The following COL4A6 variants were observed in gnomAD, a reference collection of about 807,000 sequenced individuals.
COL4A6 encodes the protein collagen type IV alpha 6 chain.
Under a neutral mutation model 126.7 loss-of-function variants are expected in COL4A6, and 59 were observed. That is an observed-to-expected ratio of 0.47 (90% CI 0.38 to 0.58). The LOEUF (loss-of-function observed/expected upper bound fraction) is 0.58, where lower values mean the gene tolerates loss of function less well. Among genes scored for constraint, COL4A6 ranks in the 20% least tolerant of loss-of-function variants. COL4A6 has a pLI of 0.00. For synonymous variants in COL4A6, 547 were observed against 496.6 expected (o/e 1.10, Z -1.35); for missense variants, 1,285 against 1,337.3 (o/e 0.96, Z 0.61).
intron 6 of COL4A6, 33 bp downstream of exon 6, chrX:108,214,079 T>C: frequency 8.9e-7 from 1 of 1,129,473 alleles, no homozygotes; most frequent in Non-Finnish European, 1.2e-6. Context: ...AGCAAAGCCA[T>C]TTGAAATAAA....
chrX:108,331,319 C>T (rs781089473), intron 2 of COL4A6, among the ~76,000 whole-genome samples: 5 of 111,595 alleles, frequency 4.5e-5, no homozygotes, highest in Admixed American at 1.9e-4. Flanking sequence ...CATCCTTAGG[C>T]GATTTCGTCA....
intron 2 of COL4A6, among the ~76,000 whole-genome samples, chrX:108,329,862 T>A (rs930671486): frequency 5.4e-5 from 6 of 110,389 alleles, no homozygotes; most frequent in African/African-American, 2.0e-4. Flanking sequence ...AAAAGAGGAG[T>A]CGAAGGTGAC....
intron 3 of COL4A6, among the ~76,000 whole-genome samples, chrX:108,254,150 A>G (rs187317937): frequency 2.6e-4 from 29 of 111,034 alleles, no homozygotes; most frequent in Admixed American, 2.4e-3. Flanking sequence ...GACTGCAGGT[A>G]TAAGAGGTAT....
chrX:108,435,613 C>A (rs765545864), intron 2 of COL4A6, among the ~76,000 whole-genome samples: 2 of 111,938 alleles, frequency 1.8e-5, no homozygotes, highest in African/African-American at 6.5e-5. Flanking sequence ...AATATTTCAC[C>A]TGAATGAAGA....
chrX:108,368,599 C>T (rs1400008789), intron 2 of COL4A6, among the ~76,000 whole-genome samples: 3 of 111,713 alleles, frequency 2.7e-5, no homozygotes, highest in Non-Finnish European at 5.7e-5. Context: ...TTATCTTACT[C>T]TATTTTACTT....
intron 2 of COL4A6, among the ~76,000 whole-genome samples, chrX:108,406,392 G>A (rs1261857371): frequency 1.8e-5 from 2 of 111,903 alleles, no homozygotes; most frequent in Non-Finnish European, 3.8e-5. Context: ...CTAACCTTCC[G>A]GTATCCACCA....
chrX:108,187,964 T>C lies in COL4A6; in HGVS notation c.1651A>G (p.Thr551Ala), dbSNP rs761735445. Reference protein sequence around the residue: ...KGKKGEPILSTIQGMPGDRGD... With the variant: ...KGKKGEPILSAIQGMPGDRGD... ...CGATCTCCTGGCATTCCTTGGATTGTACTGAGAATTGGTTCCCCCTTCTTT... is the reference window on the plus strand; with the variant it reads ...CGATCTCCTGGCATTCCTTGGATTGCACTGAGAATTGGTTCCCCCTTCTTT... Residue 551 changes from threonine (T) to alanine (A), a missense_variant, in exon 22 of 45, where the codon ACA (threonine) becomes GCA (alanine). By Grantham distance (58) the Thr-to-Ala change is moderately conservative. Coordinates refer to ENST00000334504, the MANE Select transcript of COL4A6 (RefSeq NM_033641.4). The C allele has an allele frequency of 7.5e-6, 9 of 1,207,178 alleles. No homozygotes were observed. Among genetic ancestry groups the C allele is most frequent in the Middle Eastern group, 4.6e-4 (2 of 4,338 alleles).
At chrX:108,187,777 G>T in intron 22 of COL4A6, 71 bp downstream of exon 22, 4 of 1,009,548 alleles carry the variant, frequency 4.0e-6, no homozygotes, top group African/African-American at 1.9e-5. Context: ...TGGTCCAGTG[G>T]CCATCAGACC....
intron 2 of COL4A6, among the ~76,000 whole-genome samples, chrX:108,385,474 T>A (rs949803568): frequency 7.2e-5 from 8 of 111,581 alleles, no homozygotes; most frequent in Non-Finnish European, 1.3e-4. Flanking sequence ...GATGGCTTCT[T>A]TGTAGAAATT....
intron 23 of COL4A6, among the ~76,000 whole-genome samples, chrX:108,186,335 T>C (rs1364715291): frequency 1.8e-5 from 2 of 111,689 alleles, no homozygotes; most frequent in African/African-American, 6.5e-5. Flanking sequence ...CATGAGATAA[T>C]GAGAGTTTAG....
intron 2 of COL4A6, among the ~76,000 whole-genome samples, chrX:108,361,954 C>T (rs998217113): frequency 9.0e-6 from 1 of 111,419 alleles, no homozygotes; most frequent in Non-Finnish European, 1.9e-5. Context: ...AATAATGTAA[C>T]GTATATTGTT....
chrX:108,192,432 A>T, intron 18 of COL4A6, 41 bp downstream of exon 18: 1 of 987,754 alleles, frequency 1.0e-6, no homozygotes, highest in Non-Finnish European at 1.4e-6. Context: ...CACAGTGTAT[A>T]GAGGACTGAT....
intron 32 of COL4A6, 99 bp downstream of exon 32, chrX:108,172,365 GAAAAA>G (rs397935341): frequency 1.9e-4 from 21 of 111,260 alleles, no homozygotes; most frequent in South Asian, 4.4e-4. Context: ...GCCTAAAAAA[GAAAAA>G]AAAAAAAAAA....
At chrX:108,256,112 C>T (rs1408048050) in intron 3 of COL4A6, among the ~76,000 whole-genome samples, 1 of 111,856 alleles carries the variant, frequency 8.9e-6, no homozygotes, top group Admixed American at 9.5e-5. Flanking sequence ...ACACAAACCA[C>T]ACGGGTAAAT....
chrX:108,368,092 GT>G (rs1344396959), intron 2 of COL4A6, among the ~76,000 whole-genome samples: 1 of 107,886 alleles, frequency 9.3e-6, no homozygotes, highest in East Asian at 2.9e-4. Flanking sequence ...TATATATATA[GT>G]CATATGTCTC....
At chrX:108,325,404 TGAA>T (rs1465071058) in intron 2 of COL4A6, among the ~76,000 whole-genome samples, 2 of 111,845 alleles carry the variant, frequency 1.8e-5, no homozygotes, top group Admixed American at 9.5e-5. Context: ...CAAATCTCAC[TGAA>T]GAAGAAGTAG....
At chrX:108,242,170 G>T (rs999868563) in intron 3 of COL4A6, among the ~76,000 whole-genome samples, 1 of 110,347 alleles carries the variant, frequency 9.1e-6, no homozygotes, top group Non-Finnish European at 1.9e-5. Flanking sequence ...TTCTGTTCCA[G>T]AATCCAAACC....
At chrX:108,210,454 T>C (rs2035671007) in intron 7 of COL4A6, among the ~76,000 whole-genome samples, 1 of 112,641 alleles carries the variant, frequency 8.9e-6, no homozygotes, top group African/African-American at 3.2e-5. Context: ...ATACACTCTC[T>C]GATTATGTTT....
chrX:108,425,183 G>A (rs961591084), intron 2 of COL4A6, among the ~76,000 whole-genome samples: 2 of 108,051 alleles, frequency 1.9e-5, no homozygotes, highest in African/African-American at 6.7e-5. Context: ...GTGTGTGTGT[G>A]TGTGTGTGTG....
Sources: gnomAD v4.1 joint callset for allele counts (sites outside exome capture counted in the v4.1 genomes callset) on GRCh38, gnomAD v4.1.1 for gene constraint, MANE v1.5 for transcripts, NCBI Gene and HGNC (gene_info 2026-07-23, HGNC 2026-07-21) for gene names.